Variants in TRMT61B observed in about 807,000 individuals in gnomAD.
TRMT61B encodes tRNA methyltransferase 61B, also known as tRNA (adenine(58)-N(1))-methyltransferase, mitochondrial.
TRMT61B carries 56 observed loss-of-function variants against 52.0 expected under a neutral mutation model. That is an observed-to-expected ratio of 1.08 (90% CI 0.87 to 1.35). The LOEUF (loss-of-function observed/expected upper bound fraction) is 1.35. Among genes scored for constraint, TRMT61B ranks in the 40% most tolerant of loss-of-function variants. TRMT61B has a pLI of 0.00. For synonymous variants in TRMT61B, 206 were observed against 220.0 expected, an observed-to-expected ratio of 0.94 and a Z score of 0.56; for missense variants, 650 against 577.9, an observed-to-expected ratio of 1.12 and a Z score of -1.28.
In TRMT61B at chr2:28,870,250, C is replaced by A. The variant is rs1025861582; in HGVS notation, c.28G>T (p.Val10Phe). 6.2e-7 allele frequency: 1 copy of A among 1,601,280 alleles called. No individual in the cohort carries two copies. The highest frequency in any genetic ancestry group is 8.5e-7 in the Non-Finnish European group (1 of 1,175,406). MLMAWCRGP[V>F]LLCLRQGLGT... Reference sequence around the variant, plus strand: ...AGCCCCTGCCGCAGGCACAGCAAGACAGGACCGCGGCACCATGCCATTAGC... The same window carrying A: ...AGCCCCTGCCGCAGGCACAGCAAGAAAGGACCGCGGCACCATGCCATTAGC... The change falls in exon 1 of 7, where the codon GTC becomes TTC. Residue 10 changes from valine (V) to phenylalanine (F), a missense_variant. Transcript: ENST00000306108.
At position 28,869,634 on chromosome 2, in the gene TRMT61B, G is replaced by C; in HGVS notation, c.644C>G (p.Ala215Gly). 2 of 1,614,046 alleles carry C rather than the reference G, an allele frequency of 1.2e-6. No homozygotes were observed. Among genetic ancestry groups the C allele is most frequent in the South Asian group, 2.2e-5 (2 of 91,076 alleles). The change falls in exon 1 of 7, where the codon GCC becomes GGC. Residue 215 changes from alanine to glycine, a missense_variant. Transcript: ENST00000306108. ...FGKQYMLRRP[A>G]LEDYVVLMKR... Reference sequence around the variant, plus strand: ...CATCAATACTACATAGTCTTCCAAGGCTGGCCTCCTCAGCATGTACTGCTT... The same window carrying C: ...CATCAATACTACATAGTCTTCCAAGCCTGGCCTCCTCAGCATGTACTGCTT...
At position 28,858,437 on chromosome 2, in the gene TRMT61B, A is replaced by G. The variant is rs181878337; in HGVS notation, c.993+2681T>C. On this transcript the variant is annotated intron_variant, in intron 3 of 6. Transcript: ENST00000306108. ...CATTTTGGTTGGCATGTATGGAGTC[A>G]GGTTACATAAAGGACTAGAGAAAGG... is the stretch of plus-strand genomic sequence containing the variant. Among the ~76,000 whole-genome samples the G allele has an allele frequency of 3.3e-5, 5 of 151,938 alleles. No individual in the cohort carries two copies. The East Asian group carries it at 9.7e-4, about 29-fold the overall frequency.
Position 28,869,570 on chromosome 2 carries a change from T to A in TRMT61B, c.699+9A>T. The A allele has an allele frequency of 6.3e-7, 1 of 1,596,030 alleles. No individual in the cohort carries two copies. The highest frequency in any genetic ancestry group is 8.6e-7 in the Non-Finnish European group (1 of 1,166,010). Reference sequence around the variant, plus strand: ...GAAACCAATACACACCTTATCTCCATCGCATTACCTTTGGGAATGTTATGG... The same window carrying A: ...GAAACCAATACACACCTTATCTCCAACGCATTACCTTTGGGAATGTTATGG... On this transcript the variant is annotated intron_variant, in intron 1 of 6. Transcript: ENST00000306108.
intron 1 of TRMT61B, among the ~76,000 whole-genome samples, chr2:28,867,202 C>A (rs1222647047): frequency 6.6e-6 from 1 of 152,074 alleles, no homozygotes; most frequent in Non-Finnish European, 1.5e-5. Context: ...CTCAAACAAT[C>A]CTCCCATCTC....
intron 2 of TRMT61B, 100 bp downstream of exon 2, chr2:28,864,917 A>C: frequency 1.5e-6 from 1 of 674,184 alleles, no homozygotes; most frequent in Non-Finnish European, 2.6e-6. Flanking sequence ...TGCTACCTCA[A>C]TGTTAGGTAT....
chr2:28,852,555 A>C, intron 3 of TRMT61B, 56 bp from the exon 4 acceptor site: 1 of 1,172,682 alleles, frequency 8.5e-7, no homozygotes, highest in East Asian at 2.3e-5. Context: ...ATAAAGCATA[A>C]GTTTTCTTAT....
chr2:28,861,049 A>G, intron 3 of TRMT61B, 69 bp downstream of exon 3: 1 of 1,350,764 alleles, frequency 7.4e-7, no homozygotes, highest in Non-Finnish European at 1.0e-6. Flanking sequence ...TTGCCCATAC[A>G]AAAGAAGCCT....
chr2:28,850,577 G>C (rs1669044002), intron 5 of TRMT61B, 172 bp from the exon 6 acceptor site: 1 of 555,140 alleles, frequency 1.8e-6, no homozygotes, highest in African/African-American at 1.9e-5. Context: ...ATTTGTCAAT[G>C]ATTATGTAAT....
rs144849672 is a variant in TRMT61B at position 28,869,869 on chromosome 2, G to A, written c.409C>T (p.Arg137Cys). The change falls in exon 1 of 7, where the codon CGT becomes TGT. Residue 137 changes from arginine (R) to cysteine (C), a missense_variant. Coordinates refer to ENST00000306108, the MANE Select transcript of TRMT61B (RefSeq NM_017910.4). ...QAQSATEVEE[R>C]HVSPSCSTSR... ...GTTGAACAAGAAGGGGAGACGTGAC[G>A]CTCTTCGACCTCGGTAGCGGACTGG... The A allele has an allele frequency of 6.0e-4, 972 of 1,614,174 alleles. 5 individuals are homozygous for A. The African/African-American group carries it at 0.011, about 18-fold the overall frequency.
intron 1 of TRMT61B, among the ~76,000 whole-genome samples, chr2:28,868,118 G>A (rs934786090): frequency 4.6e-5 from 7 of 152,082 alleles, no homozygotes; most frequent in African/African-American, 1.4e-4. Context: ...TAGTCCCTGG[G>A]TAGACCGTTT....
At chr2:28,851,347 TA>T in intron 4 of TRMT61B, 49 bp from the exon 5 acceptor site, 1 of 1,313,754 alleles carries the variant, frequency 7.6e-7, no homozygotes, top group Non-Finnish European at 1.0e-6. Flanking sequence ...AATAACATTA[TA>T]TTTATTTAAG....
Position 28,864,007 on chromosome 2 carries a change from T to C in TRMT61B, c.802+1010A>G, listed in dbSNP as rs114197690. On this transcript the variant is annotated intron_variant, in intron 2 of 6. Transcript: ENST00000306108. Reference sequence around the variant, plus strand: ...ATAAAAGTAACTAGAAATTAAGTGGTAGGAACATGAAAAAATATATATGTT... The same window carrying C: ...ATAAAAGTAACTAGAAATTAAGTGGCAGGAACATGAAAAAATATATATGTT... 7.5e-3 allele frequency among the ~76,000 whole-genome samples: 1,139 copies of C among 152,158 alleles called. 12 individuals carry two copies. The highest frequency in any genetic ancestry group is 0.024 in the African/African-American group (996 of 41,494).
chr2:28,868,438 G>C (rs1669940457), intron 1 of TRMT61B, among the ~76,000 whole-genome samples: 1 of 152,170 alleles, frequency 6.6e-6, no homozygotes, highest in African/African-American at 2.4e-5. Context: ...TTGTCTTCAT[G>C]ACACTTAACA....
chr2:28,865,631 A>C (rs1669804788), intron 1 of TRMT61B, among the ~76,000 whole-genome samples: 1 of 148,968 alleles, frequency 6.7e-6, no homozygotes, highest in Non-Finnish European at 1.5e-5. Flanking sequence ...AAGACCAGTT[A>C]GGAATTTACT....
In TRMT61B at chr2:28,852,510, G is replaced by T; in HGVS notation, c.994-11C>A. Reference sequence around the variant, plus strand: ...CATATCCAAAGCTACCTGTGTGGGGGAAAAAGAGAACTGGATCAGTCTGAT... The same window carrying T: ...CATATCCAAAGCTACCTGTGTGGGGTAAAAAGAGAACTGGATCAGTCTGAT... On this transcript the variant is annotated splice_polypyrimidine_tract_variant and intron_variant, in intron 3 of 6. Coordinates refer to ENST00000306108, the MANE Select transcript of TRMT61B (RefSeq NM_017910.4). 6.4e-7 allele frequency: 1 copy of T among 1,555,266 alleles called. No homozygotes were observed. Among genetic ancestry groups the T allele is most frequent in the Non-Finnish European group, 8.8e-7 (1 of 1,136,180 alleles).
chr2:28,860,218 G>A (rs1228751822), intron 3 of TRMT61B, among the ~76,000 whole-genome samples: 1 of 124,454 alleles, frequency 8.0e-6, no homozygotes, highest in African/African-American at 2.9e-5. Flanking sequence ...GTTGCAGTGA[G>A]CTGAGACTGT....
intron 3 of TRMT61B, among the ~76,000 whole-genome samples, chr2:28,853,653 T>G (rs906931996): frequency 2.7e-5 from 4 of 150,762 alleles, no homozygotes; most frequent in African/African-American, 9.7e-5. Context: ...CTGGCCAACA[T>G]GGCAAAACCC....
In TRMT61B at chr2:28,870,166, G is replaced by C. The variant is rs764528016; in HGVS notation, c.112C>G (p.Leu38Val). 1.9e-6 allele frequency: 3 copies of C among 1,613,766 alleles called. No homozygotes were observed. The highest frequency in any genetic ancestry group is 1.1e-5 in the South Asian group (1 of 91,092). Residue 38 changes from leucine to valine, a missense_variant, in exon 1 of 7, where the codon CTG becomes GTG. By Grantham distance (32) the Leu-to-Val change is conservative. Transcript: ENST00000306108. ...GQEPFEGARS[L>V]CCRSSPRDLR... The stretch of plus-strand genomic sequence containing the variant: ...TCTCTAGGCGAGGACCTGCAACACA[G>C]TGACCGAGCTCCCTCGAAGGGCTCC...
chr2:28,869,796 G>T lies in TRMT61B; in HGVS notation c.482C>A (p.Thr161Asn), dbSNP rs1312376339. 15 of 1,614,024 alleles carry T rather than the reference G, an allele frequency of 9.3e-6. No individual in the cohort carries two copies. Among genetic ancestry groups the T allele is most frequent in the Non-Finnish European group, 1.3e-5 (15 of 1,180,014 alleles). Residue 161 changes from threonine to asparagine, a missense_variant, in exon 1 of 7, where the codon ACT becomes AAT. Thr to Asn is a moderately conservative substitution (Grantham distance 65, BLOSUM62 0). Transcript: ENST00000306108. ...CTTAAATTTTGTTTCTCCCTCCCCAGTCTCAGCTAAAATCAGTTCCCCAGC... is the reference window on the plus strand; with the variant it reads ...CTTAAATTTTGTTTCTCCCTCCCCATTCTCAGCTAAAATCAGTTCCCCAGC... ...FQAGELILAE[T>N]GEGETKFKKL...
Sources: gnomAD v4.1 joint callset for allele counts (sites outside exome capture counted in the v4.1 genomes callset) on GRCh38, gnomAD v4.1.1 for gene constraint, MANE v1.5 for transcripts, NCBI Gene and HGNC (gene_info 2026-07-23, HGNC 2026-07-21) for gene names.